ZNF487: variants seen among roughly 807,000 people sequenced by gnomAD.
The protein encoded by ZNF487 is zinc finger protein 487, also known as KRAB domain only 1.
ZNF487 carries 4 observed loss-of-function variants against 3.0 expected under a neutral mutation model. That is an observed-to-expected ratio of 1.35 (90% CI 0.66 to 3.08). The LOEUF (loss-of-function observed/expected upper bound fraction) is 3.08. ZNF487 is among the 30% of genes most tolerant of loss of function. The pLI is 0.01. For synonymous variants in ZNF487, 55 were observed against 34.6 expected, an observed-to-expected ratio of 1.59 and a Z score of -2.06; for missense variants, 146 against 98.7, an observed-to-expected ratio of 1.48 and a Z score of -2.03.
intron 1 of ZNF487, among the ~76,000 whole-genome samples, chr10:43,468,988 CAAAAAAAAAAAAAA>C (rs59076073): frequency 3.3e-5 from 2 of 60,934 alleles, no homozygotes; most frequent in Non-Finnish European, 5.4e-5. Context: ...GACTCTATCT[CAAAAAAAAAAAAAA>C]AAAAAAAAAA....
chr10:43,511,514 A>G, the ZNF487 span, among the ~76,000 whole-genome samples: 1 of 152,182 alleles, frequency 6.6e-6, no homozygotes, highest in Non-Finnish European at 1.5e-5. Flanking sequence ...ATGATGGAAG[A>G]GGTCCAATAT....
chr10:43,493,185 G>A, the ZNF487 span, among the ~76,000 whole-genome samples: 2 of 152,244 alleles, frequency 1.3e-5, no homozygotes, highest in Non-Finnish European at 2.9e-5. Context: ...AGCTGAGATT[G>A]CTCCATTGCA....
At chr10:43,454,625 A>G (rs1840110812) in intron 1 of ZNF487, 1 of 152,246 alleles carries the variant, frequency 6.6e-6, no homozygotes, top group African/African-American at 2.4e-5. Flanking sequence ...TGGAAAATCA[A>G]TAGCTCTGGA....
At chr10:43,441,070 G>C (rs917036708) in intron 1 of ZNF487, among the ~76,000 whole-genome samples, 1 of 6,378 alleles carries the variant, frequency 1.6e-4, no homozygotes, top group Non-Finnish European at 3.3e-4. Flanking sequence ...TTTTTTTTTG[G>C]TGGAGACAGG....
At chr10:43,488,101 CAA>C (rs536153896), downstream of ZNF487, among the ~76,000 whole-genome samples, 1 of 131,684 alleles carries the variant, frequency 7.6e-6, no homozygotes, top group African/African-American at 2.8e-5. Flanking sequence ...GACCCTGTCT[CAA>C]AAAAAAAAAG....
At chr10:43,455,722 T>G (rs956957255) in intron 1 of ZNF487, among the ~76,000 whole-genome samples, 7 of 151,896 alleles carry the variant, frequency 4.6e-5, no homozygotes, top group African/African-American at 7.3e-5. Flanking sequence ...GCCTCTGGGG[T>G]CAAAGAGCAC....
chr10:43,468,342 G>T (rs1840778184), intron 1 of ZNF487, among the ~76,000 whole-genome samples: 1 of 152,088 alleles, frequency 6.6e-6, no homozygotes, highest in African/African-American at 2.4e-5. Context: ...TTCTACTATA[G>T]GTAAAATTAA....
intron 1 of ZNF487, among the ~76,000 whole-genome samples, chr10:43,459,560 T>C (rs1307382391): frequency 6.6e-6 from 1 of 151,896 alleles, no homozygotes; most frequent in African/African-American, 2.4e-5. Flanking sequence ...TATCATCCAG[T>C]GGGTATTGAA....
At chr10:43,491,698 G>T in the ZNF487 span, among the ~76,000 whole-genome samples, 2 of 151,742 alleles carry the variant, frequency 1.3e-5, no homozygotes, top group Non-Finnish European at 1.5e-5. Flanking sequence ...AACTCTGGGA[G>T]ATAATTTCCC....
In ZNF487 at chr10:43,482,725, C is replaced by G. The variant is rs1461862994; in HGVS notation, c.*803C>G. 4 of 464,170 alleles carry G rather than the reference C, an allele frequency of 8.6e-6. No individual in the cohort carries two copies. The East Asian group carries it at 1.8e-4, about 21-fold the overall frequency. The allele number at this position is 464,170 out of a possible 1,614,324, so 28.8% of individuals were successfully genotyped here. A position where few individuals can be genotyped will look rare whatever the true frequency, so the allele number is the denominator to read the frequency against. On this transcript the variant is annotated 3_prime_UTR_variant, in exon 4 of 4. Coordinates refer to ENST00000437590, the MANE Select transcript of ZNF487 (RefSeq NM_001355444.3). ...CCAAACTTCATTAATCATCAGTGAA[C>G]TCACACAGGAGAGAGACCCTTTGAA...
the ZNF487 span, among the ~76,000 whole-genome samples, chr10:43,498,694 G>A: frequency 6.6e-6 from 1 of 151,894 alleles, no homozygotes; most frequent in Non-Finnish European, 1.5e-5. Flanking sequence ...TGTAATCCCA[G>A]CACTTTGGGA....
chr10:43,450,660 T>C (rs1279350165), intron 1 of ZNF487, among the ~76,000 whole-genome samples: 1 of 152,060 alleles, frequency 6.6e-6, no homozygotes, highest in Non-Finnish European at 1.5e-5. Context: ...GGAAAGCTTT[T>C]AAGTGCCCAG....
At chr10:43,500,632 G>T in the ZNF487 span, among the ~76,000 whole-genome samples, 1 of 151,802 alleles carries the variant, frequency 6.6e-6, no homozygotes, top group African/African-American at 2.4e-5. Context: ...CTCCTGAGTA[G>T]CTGGGACCAC....
intron 1 of ZNF487, chr10:43,452,537 G>A (rs1840047007): frequency 6.7e-6 from 1 of 148,624 alleles, no homozygotes; most frequent in African/African-American, 2.5e-5. Flanking sequence ...TTTTTTTTTT[G>A]TAGAGATGAG....
At chr10:43,447,275 C>T (rs1483106212) in intron 1 of ZNF487, among the ~76,000 whole-genome samples, 1 of 78,834 alleles carries the variant, frequency 1.3e-5, no homozygotes, top group Middle Eastern at 5.7e-3. Flanking sequence ...CAGAGTCTCG[C>T]TCTGTTGCCC....
At chr10:43,453,073 T>C (rs1840061314) in intron 1 of ZNF487, 1 of 151,770 alleles carries the variant, frequency 6.6e-6, no homozygotes, top group South Asian at 2.1e-4. Flanking sequence ...ATGTGAAAAA[T>C]TACAAGGGAC....
chr10:43,498,273 TA>T, the ZNF487 span, among the ~76,000 whole-genome samples: 3,827 of 119,004 alleles, frequency 0.032, 483 homozygotes, highest in African/African-American at 0.076. Flanking sequence ...TATATATATA[TA>T]TTTTTTTCTT....
intron 1 of ZNF487, among the ~76,000 whole-genome samples, chr10:43,473,097 T>C (rs1206798974): frequency 6.8e-6 from 1 of 146,642 alleles, no homozygotes; most frequent in African/African-American, 2.6e-5. Flanking sequence ...GACTTTACCA[T>C]ATATTAGGAC....
upstream of ZNF487, chr10:43,436,886 G>A (rs1839401966): frequency 8.5e-6 from 4 of 469,390 alleles, no homozygotes; most frequent in Non-Finnish European, 1.8e-5. Context: ...AGCGACCTTC[G>A]CTTTCGTGGG....
Sources: gnomAD v4.1 joint callset for allele counts (sites outside exome capture counted in the v4.1 genomes callset) on GRCh38, gnomAD v4.1.1 for gene constraint, MANE v1.5 for transcripts, NCBI Gene and HGNC (gene_info 2026-07-23, HGNC 2026-07-21) for gene names.